Variants in STOX2 observed in about 807,000 individuals in gnomAD.
STOX2 encodes the protein storkhead-box protein 2.
A neutral mutation model predicts 60.9 loss-of-function variants in STOX2; 28 were observed. The observed-to-expected ratio is 0.46, with a 90% CI of 0.34 to 0.63. The LOEUF (loss-of-function observed/expected upper bound fraction) is 0.63. Among genes scored for constraint, STOX2 ranks in the 30% least tolerant of loss-of-function variants. The pLI, the probability that STOX2 is intolerant of heterozygous loss-of-function variation, is 0.01. For missense variants in STOX2, 1,024 were observed against 1,187.7 expected (o/e 0.86, Z 2.03); for synonymous variants, 472 against 463.9 (o/e 1.02, Z -0.22).
chr4:183,833,913 C>T (rs1219179887), intron 1 of STOX2, among the ~76,000 whole-genome samples: 4 of 136,370 alleles, frequency 2.9e-5, no homozygotes, highest in Non-Finnish European at 4.6e-5. Context: ...ACCCGGGAGG[C>T]GGAGCTTGCA....
chr4:183,809,524 G>T (rs1186258928), intron 1 of STOX2, among the ~76,000 whole-genome samples: 1 of 152,118 alleles, frequency 6.6e-6, no homozygotes, highest in Admixed American at 6.5e-5. Context: ...TCAGCCTCCT[G>T]AGTAGCTGGG....
chr4:183,813,266 C>A (rs947796745), intron 1 of STOX2, among the ~76,000 whole-genome samples: 1 of 152,130 alleles, frequency 6.6e-6, no homozygotes, highest in African/African-American at 2.4e-5. Context: ...ACCTGTAATT[C>A]CAGCTACTTG....
intron 1 of STOX2, among the ~76,000 whole-genome samples, chr4:183,882,292 G>T (rs1740976830): frequency 6.6e-6 from 1 of 152,082 alleles, no homozygotes; most frequent in African/African-American, 2.4e-5. Flanking sequence ...TCTGTTAATT[G>T]GCCCTTTACT....
intron 1 of STOX2, chr4:183,798,589 G>A: frequency 1.0e-6 from 1 of 979,370 alleles, no homozygotes; most frequent in South Asian, 4.7e-5. Flanking sequence ...TTGCGCGCAC[G>A]CATTTCTCAA....
intron 1 of STOX2, among the ~76,000 whole-genome samples, chr4:183,987,339 C>CTGTGTG (rs147802310): frequency 6.6e-6 from 1 of 151,214 alleles, no homozygotes; most frequent in African/African-American, 2.4e-5. Flanking sequence ...ATAAATTCCT[C>CTGTGTG]TGTGTGTGTG....
At chr4:183,886,211 C>T (rs547796981) in intron 1 of STOX2, among the ~76,000 whole-genome samples, 3 of 146,680 alleles carry the variant, frequency 2.0e-5, no homozygotes, top group Admixed American at 6.8e-5. Flanking sequence ...TAGGCAGATG[C>T]AAGATCAGGA....
At chr4:183,999,234 C>T (rs1733480051) in intron 1 of STOX2, among the ~76,000 whole-genome samples, 1 of 152,120 alleles carries the variant, frequency 6.6e-6, no homozygotes, top group African/African-American at 2.4e-5. Context: ...TTTTGAGTTA[C>T]CAATACGAAC....
At chr4:183,822,968 G>A (rs1339735637) in intron 1 of STOX2, among the ~76,000 whole-genome samples, 5 of 152,340 alleles carry the variant, frequency 3.3e-5, no homozygotes, top group African/African-American at 1.2e-4. Flanking sequence ...GGCTCTCCTA[G>A]CCTTCCTGTG....
At chr4:183,930,926 C>T (rs923225871) in intron 1 of STOX2, among the ~76,000 whole-genome samples, 1 of 152,136 alleles carries the variant, frequency 6.6e-6, no homozygotes, top group Non-Finnish European at 1.5e-5. Context: ...ATAAGCCATA[C>T]TGGTTAAAAT....
chr4:183,808,033 C>A (rs938250705), intron 1 of STOX2, among the ~76,000 whole-genome samples: 1 of 152,188 alleles, frequency 6.6e-6, no homozygotes, highest in Non-Finnish European at 1.5e-5. Context: ...CAGATGGACC[C>A]CACATTACAC....
chr4:184,002,804 C>T (rs564195387), intron 2 of STOX2, among the ~76,000 whole-genome samples: 92 of 152,330 alleles, frequency 6.0e-4, no homozygotes, highest in African/African-American at 2.1e-3. Context: ...ATCTTATCTA[C>T]TGTATTGGTC....
intron 1 of STOX2, among the ~76,000 whole-genome samples, chr4:183,882,100 C>T (rs1049411393): frequency 2.0e-5 from 3 of 152,230 alleles, no homozygotes; most frequent in African/African-American, 4.8e-5. Flanking sequence ...CTACTGTACA[C>T]TGATACCCAG....
intron 1 of STOX2, among the ~76,000 whole-genome samples, chr4:183,824,880 C>T (rs958256180): frequency 6.6e-6 from 1 of 152,184 alleles, no homozygotes; most frequent in African/African-American, 2.4e-5. Flanking sequence ...TGGGGGCTTC[C>T]AGGCAAGTGC....
intron 1 of STOX2, among the ~76,000 whole-genome samples, chr4:183,892,724 T>C (rs980900119): frequency 2.6e-5 from 4 of 152,214 alleles, no homozygotes; most frequent in African/African-American, 9.6e-5. Context: ...CTTCTCATAA[T>C]CGATACATAC....
At chr4:183,846,476 A>G (rs571204532) in intron 1 of STOX2, among the ~76,000 whole-genome samples, 80 of 152,130 alleles carry the variant, frequency 5.3e-4, no homozygotes, top group African/African-American at 1.8e-3. Context: ...TTTGTTCTTC[A>G]GATTGGGTAA....
chr4:183,823,796 G>A (rs1234034531), intron 1 of STOX2, among the ~76,000 whole-genome samples: 1 of 152,214 alleles, frequency 6.6e-6, no homozygotes, highest in East Asian at 1.9e-4. Context: ...AACTTTCCTG[G>A]CGTTTTCCTT....
intron 1 of STOX2, among the ~76,000 whole-genome samples, chr4:183,965,859 G>A (rs1016761569): frequency 2.6e-5 from 4 of 152,028 alleles, no homozygotes; most frequent in African/African-American, 9.7e-5. Flanking sequence ...GGAAGGGGGT[G>A]GTTAGGGAAG....
Position 183,806,923 on chromosome 4 carries a change from C to T in STOX2, c.364+8868C>T, listed in dbSNP as rs1738904186. The stretch of plus-strand genomic sequence containing the variant: ...CCCACGGCCCCACAGCTCGAAGCCC[C>T]CATGCCTGGAGGGGGCCTTTGTGAG... On this transcript the variant is annotated intron_variant, in intron 1 of 2. Transcript: ENST00000513034. This position sits in a 1 kb window ranked among gnomAD's most constrained non-coding sequence, Gnocchi z 4.1. 6.6e-6 allele frequency among the ~76,000 whole-genome samples: 1 copy of T among 152,124 alleles called. No homozygotes were observed. The highest frequency in any genetic ancestry group is 2.4e-5 in the African/African-American group (1 of 41,412).
At chr4:183,959,958 A>C (rs1367097903) in intron 1 of STOX2, among the ~76,000 whole-genome samples, 1 of 152,212 alleles carries the variant, frequency 6.6e-6, no homozygotes, top group Non-Finnish European at 1.5e-5. Flanking sequence ...ATTGGAAAAA[A>C]AAATAGAGAC....
Sources: allele counts gnomAD v4.1 joint callset (sites outside exome capture counted in the v4.1 genomes callset), GRCh38; gene constraint gnomAD v4.1.1; non-coding constraint Gnocchi (gnomAD v3.1); transcripts MANE v1.5; gene names NCBI Gene and HGNC (gene_info 2026-07-23, HGNC 2026-07-21).